Variants in CNTN4 observed in about 807,000 individuals in gnomAD.
CNTN4 encodes the protein contactin 4.
CNTN4 carries 77 observed loss-of-function variants against 122.5 expected under a neutral mutation model. The observed-to-expected ratio is 0.63, with a 90% confidence interval of 0.52 to 0.76. The LOEUF is 0.76. Among genes scored for constraint, CNTN4 ranks in the 30% least tolerant of loss-of-function variants. The pLI is 0.00. For synonymous variants in CNTN4, 512 were observed against 447.0 expected (o/e 1.15, Z -1.83); for missense variants, 1,256 against 1,259.1 (o/e 1.00, Z 0.04).
At chr3:3,041,452 C>T (rs1169889280) in intron 20 of CNTN4, among the ~76,000 whole-genome samples, 1 of 152,216 alleles carries the variant, frequency 6.6e-6, no homozygotes, top group Admixed American at 6.5e-5. Context: ...GCTGACTTGA[C>T]TAAGATTCAA....
At chr3:2,266,755 C>T (rs1438838455) in intron 2 of CNTN4, among the ~76,000 whole-genome samples, 5 of 152,050 alleles carry the variant, frequency 3.3e-5, no homozygotes, top group Admixed American at 1.3e-4. Context: ...ATGTTGGAGT[C>T]GTCTCAGAAG....
intron 6 of CNTN4, among the ~76,000 whole-genome samples, chr3:2,768,013 T>C (rs569413776): frequency 1.3e-5 from 2 of 152,308 alleles, no homozygotes; most frequent in South Asian, 4.1e-4. Flanking sequence ...AATGTTACAT[T>C]TGGTTGAGGC....
intron 3 of CNTN4, among the ~76,000 whole-genome samples, chr3:2,488,325 G>A (rs542706207): frequency 3.7e-4 from 56 of 152,326 alleles, no homozygotes; most frequent in Middle Eastern, 3.4e-3. Flanking sequence ...GCCATTGTCT[G>A]TATGGAGTTC....
intron 4 of CNTN4, among the ~76,000 whole-genome samples, chr3:2,620,344 C>CA (rs1244580996): frequency 1.9e-4 from 29 of 151,334 alleles, no homozygotes; most frequent in African/African-American, 5.1e-4. Flanking sequence ...TATGAAAATA[C>CA]AAAAAATAAG....
intron 14 of CNTN4, among the ~76,000 whole-genome samples, chr3:3,014,079 C>T (rs1048693822): frequency 6.6e-6 from 1 of 151,952 alleles, no homozygotes; most frequent in Non-Finnish European, 1.5e-5. Flanking sequence ...CACACACACA[C>T]ACACACACCC....
chr3:2,768,249 T>G (rs1482555999), intron 6 of CNTN4, among the ~76,000 whole-genome samples: 1 of 152,200 alleles, frequency 6.6e-6, no homozygotes. Flanking sequence ...ACAAGCATCT[T>G]CCTCTTAACC....
In CNTN4 at chr3:2,376,514, C is replaced by G. The variant is rs762732293; in HGVS notation, c.-89+37281C>G. The stretch of plus-strand genomic sequence containing the variant: ...AGTGGTCTTTGAAGTATCAGTATTT[C>G]TATATCACTAGGTGATTCTTGAGAT... On this transcript the variant is annotated intron_variant, in intron 3 of 24. Coordinates refer to ENST00000418658, the MANE Select transcript of CNTN4 (RefSeq NM_175607.3). Among the ~76,000 whole-genome samples the G allele has an allele frequency of 2.5e-4, 38 of 152,176 alleles. No individual in the cohort carries two copies. The Middle Eastern group carries it at 0.01, about 41-fold the overall frequency.
chr3:2,916,977 C>A (rs191985277), intron 12 of CNTN4, among the ~76,000 whole-genome samples: 1 of 122,292 alleles, frequency 8.2e-6, no homozygotes, highest in Non-Finnish European at 1.8e-5. Context: ...TTGCAGCGAG[C>A]CGAGATCACG....
intron 13 of CNTN4, among the ~76,000 whole-genome samples, chr3:2,930,305 A>C (rs1037673834): frequency 6.6e-6 from 1 of 152,184 alleles, no homozygotes; most frequent in Non-Finnish European, 1.5e-5. Context: ...GATGATTATT[A>C]TTGTTATACT....
chr3:2,400,429 A>ATATATATATATATATATATG (rs1559519968), intron 3 of CNTN4, among the ~76,000 whole-genome samples: 13 of 11,930 alleles, frequency 1.1e-3, no homozygotes, highest in Admixed American at 3.4e-3. Context: ...ATATATATAC[A>ATATATATATATATATATATG]TATATATATA....
intron 5 of CNTN4, among the ~76,000 whole-genome samples, chr3:2,743,085 C>A (rs2089550704): frequency 6.6e-6 from 1 of 152,134 alleles, no homozygotes; most frequent in South Asian, 2.1e-4. Flanking sequence ...TACAGAGGAG[C>A]TCTCATTATG....
chr3:2,894,010 A>G (rs1314934139), intron 10 of CNTN4, among the ~76,000 whole-genome samples: 2 of 152,230 alleles, frequency 1.3e-5, no homozygotes, highest in Non-Finnish European at 2.9e-5. Flanking sequence ...TTACTTTAAA[A>G]TAACAAAAAT....
chr3:2,470,212 G>C (rs929781242), intron 3 of CNTN4, among the ~76,000 whole-genome samples: 4 of 152,132 alleles, frequency 2.6e-5, no homozygotes, highest in Non-Finnish European at 5.9e-5. Flanking sequence ...GAGTAGCTGA[G>C]ATTACAGGCA....
At chr3:2,156,881 TG>T (rs1227180056) in intron 2 of CNTN4, among the ~76,000 whole-genome samples, 1 of 152,168 alleles carries the variant, frequency 6.6e-6, no homozygotes, top group African/African-American at 2.4e-5. Flanking sequence ...CCTGGCTATT[TG>T]GGGAGAGGGA....
chr3:2,913,257 T>C (rs926129800), intron 12 of CNTN4, among the ~76,000 whole-genome samples: 6 of 152,190 alleles, frequency 3.9e-5, no homozygotes, highest in Non-Finnish European at 8.8e-5. Context: ...ACACAAAAGC[T>C]ACAAGATACA....
At chr3:3,048,293 A>G (rs1253338801) in intron 23 of CNTN4, among the ~76,000 whole-genome samples, 1 of 152,228 alleles carries the variant, frequency 6.6e-6, no homozygotes, top group Non-Finnish European at 1.5e-5. Flanking sequence ...ATACAGTATA[A>G]CAACTATTTA....
At chr3:2,440,689 C>G (rs953219406) in intron 3 of CNTN4, among the ~76,000 whole-genome samples, 1 of 151,000 alleles carries the variant, frequency 6.6e-6, no homozygotes, top group East Asian at 1.9e-4. Context: ...CACACATATA[C>G]GTATATATAT....
chr3:2,452,125 G>T (rs149541280), intron 3 of CNTN4, among the ~76,000 whole-genome samples: 1 of 152,244 alleles, frequency 6.6e-6, no homozygotes, highest in African/African-American at 2.4e-5. Flanking sequence ...TGTTAGCATT[G>T]TATACAGAGC....
intron 10 of CNTN4, among the ~76,000 whole-genome samples, chr3:2,891,505 G>T (rs2094040446): frequency 6.6e-6 from 1 of 152,180 alleles, no homozygotes. Flanking sequence ...GCAAGAGAAA[G>T]ATTTCATAAG....
Sources: allele counts gnomAD v4.1 joint callset (sites outside exome capture counted in the v4.1 genomes callset), GRCh38; gene constraint gnomAD v4.1.1; transcripts MANE v1.5; gene names NCBI Gene and HGNC (gene_info 2026-07-23, HGNC 2026-07-21).